DSG1: variants seen among roughly 807,000 people sequenced by gnomAD.
DSG1 encodes desmoglein 1.
In DSG1, 39 loss-of-function variants were observed where a neutral mutation model predicts 97.5. That is an observed-to-expected ratio of 0.40 (90% CI 0.31 to 0.52). The LOEUF is 0.52. DSG1 is among the 20% of genes least tolerant of loss of function. The pLI is 0.53. For missense variants in DSG1, 1,311 were observed against 1,295.4 expected (o/e 1.01, Z -0.18); for synonymous variants, 475 against 443.4 (o/e 1.07, Z -0.90).
chr18:31,348,111 C>T (rs1316955642), intron 14 of DSG1, among the ~76,000 whole-genome samples: 6 of 135,848 alleles, frequency 4.4e-5, no homozygotes, highest in Non-Finnish European at 7.8e-5. Context: ...GATGCTATCC[C>T]GCCCCCCTCC....
intron 10 of DSG1, among the ~76,000 whole-genome samples, chr18:31,339,145 A>G (rs2071772896): frequency 6.6e-6 from 1 of 152,202 alleles, no homozygotes. Flanking sequence ...TACAGCACTA[A>G]TAATTAAATA....
chr18:31,329,325 G>A (rs7236370), intron 4 of DSG1, among the ~76,000 whole-genome samples: 62,625 of 151,652 alleles, frequency 0.41, 14,163 homozygotes, highest in Non-Finnish European at 0.5. Flanking sequence ...AACCCCACCA[G>A]TCCGTATCCC....
At position 31,332,079 on chromosome 18, in the gene DSG1, G is replaced by A. The variant is rs9949912; in HGVS notation, c.684+212G>A. On this transcript the variant is annotated intron_variant, in intron 6 of 14. Coordinates refer to ENST00000257192, the MANE Select transcript of DSG1 (RefSeq NM_001942.4). Reference sequence around the variant, plus strand: ...TGTACTATTTTTCATATAATTAATTGATTAAAATTTACTTCAATTTAAGAA... The same window carrying A: ...TGTACTATTTTTCATATAATTAATTAATTAAAATTTACTTCAATTTAAGAA... Among the ~76,000 whole-genome samples, 100,598 of 151,878 alleles carry A rather than the reference G, an allele frequency of 0.66. 35,898 individuals are homozygous for A. The highest frequency in any genetic ancestry group is 0.91 in the African/African-American group (37,824 of 41,500).
intron 1 of DSG1, among the ~76,000 whole-genome samples, chr18:31,322,001 G>A (rs576761480): frequency 1.2e-3 from 179 of 152,308 alleles, no homozygotes; most frequent in African/African-American, 4.2e-3. Context: ...TGCTGATTAT[G>A]CTTGATATGC....
chr18:31,339,640 A>G (rs1225059153), intron 10 of DSG1, 104 bp from the exon 11 acceptor site: 1 of 865,658 alleles, frequency 1.2e-6, no homozygotes, highest in Admixed American at 2.6e-5. Flanking sequence ...TTATGGGAAT[A>G]AAGACACTGA....
chr18:31,323,327 AGG>A (rs2071665162), intron 1 of DSG1, among the ~76,000 whole-genome samples: 1 of 152,218 alleles, frequency 6.6e-6, no homozygotes, highest in African/African-American at 2.4e-5. Context: ...TAGGTCATTT[AGG>A]AGAGTGTCCT....
At chr18:31,328,776 G>C (rs1360647937) in intron 4 of DSG1, among the ~76,000 whole-genome samples, 1 of 151,918 alleles carries the variant, frequency 6.6e-6, no homozygotes, top group African/African-American at 2.4e-5. Flanking sequence ...CTAATGACAA[G>C]TAAATGATTC....
At chr18:31,338,086 C>G (rs911115544) in intron 9 of DSG1, among the ~76,000 whole-genome samples, 1 of 152,054 alleles carries the variant, frequency 6.6e-6, no homozygotes, top group East Asian at 1.9e-4. Flanking sequence ...AAAAGACATT[C>G]CATCAGAAAT....
chr18:31,355,476 C>A lies in DSG1; in HGVS notation c.*130C>A, dbSNP rs532468560. On this transcript the variant is annotated 3_prime_UTR_variant, in exon 15 of 15. Coordinates refer to ENST00000257192, the MANE Select transcript of DSG1 (RefSeq NM_001942.4). ...CATCTAGGAGCAAGGTGAGAAATCA[C>A]AATGAGAAAAATAAATGGAAACACC... 91 of 914,466 alleles carry A rather than the reference C, an allele frequency of 1.0e-4. No homozygotes were observed. The highest frequency in any genetic ancestry group is 3.1e-4 in the Middle Eastern group (1 of 3,266). The allele number at this position is 914,466 out of a possible 1,614,324, so 56.6% of individuals were successfully genotyped here. A position where few individuals can be genotyped will look rare whatever the true frequency, so the allele number is the denominator to read the frequency against.
At chr18:31,318,548 G>C (rs1054560457) in intron 1 of DSG1, among the ~76,000 whole-genome samples, 200 bp downstream of exon 1, 1 of 152,090 alleles carries the variant, frequency 6.6e-6, no homozygotes, top group Non-Finnish European at 1.5e-5. Flanking sequence ...TAATGCCTCA[G>C]TGTCAACTCA....
In DSG1 at chr18:31,343,439, T is replaced by C. The variant is rs371188378; in HGVS notation, c.1688-11T>C. On this transcript the variant is annotated splice_polypyrimidine_tract_variant and intron_variant, in intron 11 of 14. Coordinates refer to ENST00000257192, the MANE Select transcript of DSG1 (RefSeq NM_001942.4). ...GTGCTAACTCTAGTATTACTATCCCTCCACCACCAGTGGTCCCATTTTTGA... is the reference window on the plus strand; with the variant it reads ...GTGCTAACTCTAGTATTACTATCCCCCCACCACCAGTGGTCCCATTTTTGA... 59 of 1,614,012 alleles carry C rather than the reference T, an allele frequency of 3.7e-5. No individual in the cohort carries two copies. The African/African-American group carries it at 7.3e-4, about 20-fold the overall frequency.
In DSG1 at chr18:31,354,588, C is replaced by T. The variant is rs748357989; in HGVS notation, c.2392C>T (p.Pro798Ser). 11 of 1,614,082 alleles carry T rather than the reference C, an allele frequency of 6.8e-6. No homozygotes were observed. The African/African-American group carries it at 1.5e-4, about 22-fold the overall frequency. ...ETEPVVSGHP[P>S]ISPHFGTTTV... ...AGAGCCCGTTGTTAGTGGACACCCA[C>T]CAATCTCCCCACATTTCGGCACTAC... The change falls in exon 15 of 15, where the codon CCA becomes TCA. Residue 798 changes from proline (P) to serine (S), a missense_variant. Transcript: ENST00000257192.
intron 4 of DSG1, among the ~76,000 whole-genome samples, chr18:31,329,162 C>T (rs1237367223): frequency 6.6e-6 from 1 of 152,148 alleles, no homozygotes; most frequent in Non-Finnish European, 1.5e-5. Context: ...TTGCCACTTA[C>T]TTGGAGAATC....
rs944270861 is a variant in DSG1, at chr18:31,359,189, T to C, written c.*3843T>C. Among the ~76,000 whole-genome samples, 6 of 152,162 alleles carry C rather than the reference T, an allele frequency of 3.9e-5. No homozygotes were observed. The highest frequency in any genetic ancestry group is 7.4e-5 in the Non-Finnish European group (5 of 67,994). Reference sequence around the variant, plus strand: ...TTGCTTGGTTATCTGTTCGTTTTTTTAAGTTGATTTGTAATTTCCAAAGAG... The same window carrying C: ...TTGCTTGGTTATCTGTTCGTTTTTTCAAGTTGATTTGTAATTTCCAAAGAG... On this transcript the variant is annotated 3_prime_UTR_variant, in exon 15 of 15. Transcript: ENST00000257192.
In DSG1 at chr18:31,343,348, G is replaced by A. The variant is rs140346294; in HGVS notation, c.1688-102G>A. On this transcript the variant is annotated intron_variant, in intron 11 of 14. Transcript: ENST00000257192. Reference sequence around the variant, plus strand: ...ACTTTCATAATTTTAGAACCAACCAGAATTATATTACGAATTCAAATTTAA... The same window carrying A: ...ACTTTCATAATTTTAGAACCAACCAAAATTATATTACGAATTCAAATTTAA... 6.6e-4 allele frequency: 1,003 copies of A among 1,528,448 alleles called. 8 individuals carry two copies. In the African/African-American group the frequency reaches 0.012, roughly 19 times the overall value. 94.7% of individuals were successfully genotyped at this position (1,528,448 alleles called of 1,614,324 possible).
At chr18:31,333,551 A>G in intron 6 of DSG1, 38 bp from the exon 7 acceptor site, 2 of 1,613,458 alleles carry the variant, frequency 1.2e-6, no homozygotes, top group Non-Finnish European at 1.7e-6. Context: ...AAGGCTGTCT[A>G]CGTCAAGTGT....
Position 31,346,067 on chromosome 18 carries a change from A to G in DSG1, c.1969A>G (p.Thr657Ala). 1 of 1,614,008 alleles carries G rather than the reference A, an allele frequency of 6.2e-7. No homozygotes were observed. The highest frequency in any genetic ancestry group is 1.1e-5 in the South Asian group (1 of 91,076). The stretch of plus-strand genomic sequence containing the variant: ...AGAGAGAATGACAGGATTTGAACTA[A>G]CAGAGGGAGTTAAAACTTCAGGAAT... ...GGERMTGFEL[T>A]EGVKTSGMPE... Residue 657 changes from threonine (T) to alanine (A), a missense_variant, in exon 14 of 15, where the codon ACA (threonine) becomes GCA (alanine). Transcript: ENST00000257192.
At position 31,355,479 on chromosome 18, in the gene DSG1, T is replaced by C; in HGVS notation, c.*133T>C. On this transcript the variant is annotated 3_prime_UTR_variant, in exon 15 of 15. Transcript: ENST00000257192. Reference sequence around the variant, plus strand: ...CTAGGAGCAAGGTGAGAAATCACAATGAGAAAAATAAATGGAAACACCACT... The same window carrying C: ...CTAGGAGCAAGGTGAGAAATCACAACGAGAAAAATAAATGGAAACACCACT... The C allele has an allele frequency of 1.1e-6, 1 of 899,156 alleles. No individual in the cohort carries two copies. Among genetic ancestry groups the C allele is most frequent in the Non-Finnish European group, 1.8e-6 (1 of 571,196 alleles). 55.7% of individuals were successfully genotyped at this position (899,156 alleles called of 1,614,324 possible).
chr18:31,334,646 G>A (rs912484309), intron 8 of DSG1, among the ~76,000 whole-genome samples: 1 of 152,032 alleles, frequency 6.6e-6, no homozygotes, highest in African/African-American at 2.4e-5. Flanking sequence ...CCTCCCGCGT[G>A]TTTTCATAAA....
Sources: gnomAD v4.1 joint callset for allele counts (sites outside exome capture counted in the v4.1 genomes callset) on GRCh38, gnomAD v4.1.1 for gene constraint, MANE v1.5 for transcripts, NCBI Gene and HGNC (gene_info 2026-07-23, HGNC 2026-07-21) for gene names.